Variants in UHRF2 observed in about 807,000 individuals in gnomAD.
UHRF2 encodes the protein E3 ubiquitin-protein ligase UHRF2.
Under a neutral mutation model 96.8 loss-of-function variants are expected in UHRF2, and 23 were observed. That is an observed-to-expected ratio of 0.24 (90% confidence interval 0.17 to 0.34). The LOEUF is 0.34. Among genes scored for constraint, UHRF2 ranks in the 10% least tolerant of loss-of-function variants. UHRF2 has a pLI of 1.00. For missense variants in UHRF2, 685 were observed against 981.5 expected (o/e 0.70, Z 4.04); for synonymous variants, 385 against 332.6 (o/e 1.16, Z -1.72).
chr9:6,499,898 C>T lies in UHRF2; in HGVS notation c.1972C>T (p.Pro658Ser). The change falls in exon 13 of 16, where the codon CCC becomes TCC. Residue 658 changes from proline (P) to serine (S), a missense_variant. Around this residue, in one of 6 missense-constraint regions of UHRF2, gnomAD observed 99 missense variants for 73.5 expected, o/e 1.35. Coordinates refer to ENST00000276893, the MANE Select transcript of UHRF2 (RefSeq NM_152896.3). ...KKPKGQSKKQPSGTTKRPISD... is the reference protein window; with the variant it reads ...KKPKGQSKKQSSGTTKRPISD... ...GCCTAAAGGACAGTCAAAGAAGCAG[C>T]CCAGTGGAACCACAAAAAGGCCAAT... 2 of 1,612,370 alleles carry T rather than the reference C, an allele frequency of 1.2e-6. No homozygotes were observed. Among genetic ancestry groups the T allele is most frequent in the Non-Finnish European group, 1.7e-6 (2 of 1,179,076 alleles).
At chr9:6,440,826 C>T (rs1279475690) in intron 3 of UHRF2, among the ~76,000 whole-genome samples, 2 of 152,148 alleles carry the variant, frequency 1.3e-5, no homozygotes, top group Non-Finnish European at 1.5e-5. Flanking sequence ...TCAAAATAAT[C>T]GGTGCATGAG....
intron 4 of UHRF2, among the ~76,000 whole-genome samples, chr9:6,461,412 A>G (rs1285323846): frequency 8.9e-6 from 1 of 112,738 alleles, no homozygotes; most frequent in Non-Finnish European, 1.7e-5. Context: ...TTGTTCTGTC[A>G]CCCAGGCTGG....
chr9:6,487,565 C>G (rs1824379286), intron 9 of UHRF2, among the ~76,000 whole-genome samples: 1 of 152,218 alleles, frequency 6.6e-6, no homozygotes, highest in African/African-American at 2.4e-5. Flanking sequence ...TGGGGTTTCA[C>G]CACGATGGCC....
chr9:6,471,637 T>C (rs757875958), intron 4 of UHRF2, among the ~76,000 whole-genome samples: 4 of 152,208 alleles, frequency 2.6e-5, no homozygotes, highest in Non-Finnish European at 5.9e-5. Flanking sequence ...ACTGCACCCC[T>C]GACCAATGGC....
intron 10 of UHRF2, chr9:6,495,166 A>G (rs1253875645): frequency 6.6e-6 from 1 of 152,222 alleles, no homozygotes; most frequent in Non-Finnish European, 1.5e-5. Flanking sequence ...AACTTCCTTC[A>G]TAACTACCCA....
At chr9:6,423,520 G>C (rs1820055996) in intron 2 of UHRF2, among the ~76,000 whole-genome samples, 1 of 151,776 alleles carries the variant, frequency 6.6e-6, no homozygotes, top group African/African-American at 2.4e-5. Context: ...CAGGATGTGG[G>C]GACAGTTCAT....
Position 6,499,881 on chromosome 9 carries a change from G to T in UHRF2, c.1955G>T (p.Gly652Val). The stretch of plus-strand genomic sequence containing the variant: ...GATAAAGAAGGGAAGAAGCCTAAAG[G>T]ACAGTCAAAGAAGCAGCCCAGTGGA... ...PSDKEGKKPKGQSKKQPSGTT... is the reference protein window; with the variant it reads ...PSDKEGKKPKVQSKKQPSGTT... Residue 652 changes from glycine (G) to valine (V), a missense_variant, in exon 13 of 16, where the codon GGA becomes GTA. Transcript: ENST00000276893. 1 of 1,612,208 alleles carries T rather than the reference G, an allele frequency of 6.2e-7. No individual in the cohort carries two copies.
At chr9:6,461,997 TA>T (rs60874824) in intron 4 of UHRF2, among the ~76,000 whole-genome samples, 4,864 of 145,736 alleles carry the variant, frequency 0.033, 117 homozygotes, top group Middle Eastern at 0.079. Context: ...TTTTTGTTTT[TA>T]AAAAAAAAAA....
chr9:6,470,575 A>G (rs1222361177), intron 4 of UHRF2, among the ~76,000 whole-genome samples: 4 of 152,176 alleles, frequency 2.6e-5, no homozygotes. Flanking sequence ...GAGCAGGGAA[A>G]GGGTAAATGT....
At chr9:6,453,900 G>A (rs964664116) in intron 3 of UHRF2, among the ~76,000 whole-genome samples, 5 of 151,908 alleles carry the variant, frequency 3.3e-5, no homozygotes, top group South Asian at 4.2e-4. Context: ...GTAAGACTCC[G>A]TCTCAAAAAA....
intron 2 of UHRF2, among the ~76,000 whole-genome samples, chr9:6,431,111 T>TA (rs374043239): frequency 6.6e-6 from 1 of 152,352 alleles, no homozygotes; most frequent in African/African-American, 2.4e-5. Flanking sequence ...GAACTGCCTT[T>TA]AAAATCCAGG....
intron 14 of UHRF2, among the ~76,000 whole-genome samples, chr9:6,502,829 A>G (rs1816374086): frequency 6.6e-6 from 1 of 152,196 alleles, no homozygotes; most frequent in South Asian, 2.1e-4. Context: ...CCTGTTATAA[A>G]GTTTCCAGCA....
At chr9:6,502,643 G>T (rs938899800) in intron 14 of UHRF2, among the ~76,000 whole-genome samples, 6 of 152,190 alleles carry the variant, frequency 3.9e-5, no homozygotes, top group African/African-American at 9.6e-5. Context: ...CTGTAGGAAC[G>T]TAAGTTCCAG....
chr9:6,414,256 C>G (rs1294188487), intron 1 of UHRF2: 1 of 152,206 alleles, frequency 6.6e-6, no homozygotes, highest in Non-Finnish European at 1.5e-5. Context: ...TGGAATGTCT[C>G]GAGGGAGGTT....
At chr9:6,482,121 G>T (rs757436284) in intron 8 of UHRF2, 22 bp downstream of exon 8, 1 of 1,588,006 alleles carries the variant, frequency 6.3e-7, no homozygotes, top group Non-Finnish European at 8.6e-7. Context: ...CTTGGGCTTA[G>T]TTGAAAGGGG....
At chr9:6,460,435 C>T (rs912061416) in intron 3 of UHRF2, 138 bp from the exon 4 acceptor site, 3 of 653,818 alleles carry the variant, frequency 4.6e-6, no homozygotes, top group Non-Finnish European at 5.0e-6. Context: ...GTAATAACAC[C>T]TGCTATTTAA....
intron 4 of UHRF2, among the ~76,000 whole-genome samples, chr9:6,470,096 C>T (rs114390367): frequency 3.9e-5 from 6 of 152,124 alleles, no homozygotes; most frequent in Admixed American, 1.3e-4. Flanking sequence ...CCCAGCTGGG[C>T]GTGGTGGCTC....
intron 3 of UHRF2, among the ~76,000 whole-genome samples, chr9:6,457,839 A>G (rs531522850): frequency 6.6e-6 from 1 of 152,368 alleles, no homozygotes; most frequent in South Asian, 2.1e-4. Context: ...CCAGCCTTGC[A>G]TCCCAGGGAT....
intron 3 of UHRF2, among the ~76,000 whole-genome samples, chr9:6,456,554 A>G (rs1252772142): frequency 6.6e-6 from 1 of 152,070 alleles, no homozygotes; most frequent in Admixed American, 6.5e-5. Context: ...CCATTTGTCA[A>G]TTTTGGCTTC....
Sources: gnomAD v4.1 joint callset for allele counts (sites outside exome capture counted in the v4.1 genomes callset) on GRCh38, gnomAD v4.1.1 for gene constraint, gnomAD v4.1.1 regional missense constraint, MANE v1.5 for transcripts, NCBI Gene and HGNC (gene_info 2026-07-23, HGNC 2026-07-21) for gene names.